GNL2: variants seen among roughly 807,000 people sequenced by gnomAD.
The protein encoded by GNL2 is nucleolar GTP-binding protein 2.
GNL2 carries 51 observed loss-of-function variants against 92.3 expected under a neutral mutation model. The ratio of observed to expected loss-of-function variants is 0.55; its 90% CI spans 0.44 to 0.70. GNL2 has a LOEUF of 0.70. GNL2 is among the 30% of genes least tolerant of loss of function. The pLI is 0.00. For synonymous variants in GNL2, 283 were observed against 300.6 expected (o/e 0.94, Z 0.61); for missense variants, 844 against 895.6 (o/e 0.94, Z 0.74).
At chr1:37,571,359 G>A (rs1254313590) in intron 12 of GNL2, among the ~76,000 whole-genome samples, 2 of 152,132 alleles carry the variant, frequency 1.3e-5, no homozygotes, top group East Asian at 1.9e-4. Flanking sequence ...GAATTGATAT[G>A]CACCCCCATT....
In GNL2 at chr1:37,590,689, G is replaced by T. The variant is rs376688706; in HGVS notation, c.384+17C>A. On this transcript the variant is annotated intron_variant, in intron 4 of 15. Transcript: ENST00000373062. ...TTGCCCAGGAAATTCCATCACCAGGGATATCCTACATCTTACATGAGGCCG... is the reference window on the plus strand; with the variant it reads ...TTGCCCAGGAAATTCCATCACCAGGTATATCCTACATCTTACATGAGGCCG... 3.1e-6 allele frequency: 5 copies of T among 1,605,438 alleles called. No individual in the cohort carries two copies. The highest frequency in any genetic ancestry group is 4.3e-6 in the Non-Finnish European group (5 of 1,172,452).
chr1:37,572,164 C>G (rs1202035893), intron 12 of GNL2, among the ~76,000 whole-genome samples: 3 of 152,098 alleles, frequency 2.0e-5, no homozygotes, highest in Non-Finnish European at 4.4e-5. Flanking sequence ...AACCCCTTAG[C>G]CTGGTTTAGT....
intron 8 of GNL2, among the ~76,000 whole-genome samples, 191 bp from the exon 9 acceptor site, chr1:37,576,747 G>A (rs1306561516): frequency 6.6e-6 from 1 of 152,202 alleles, no homozygotes; most frequent in Non-Finnish European, 1.5e-5. Flanking sequence ...TAAATCAGAG[G>A]TGAGTCATTT....
At chr1:37,593,262 G>A (rs140221349) in intron 2 of GNL2, among the ~76,000 whole-genome samples, 7 of 152,260 alleles carry the variant, frequency 4.6e-5, no homozygotes, top group African/African-American at 1.7e-4. Context: ...TAGGACAGAC[G>A]GAGATGGAGA....
intron 8 of GNL2, 116 bp downstream of exon 8, chr1:37,582,107 T>G (rs973874468): frequency 1.6e-6 from 1 of 634,004 alleles, no homozygotes; most frequent in African/African-American, 1.9e-5. Flanking sequence ...ACTACAGACC[T>G]GCGCAACCAC....
At chr1:37,585,419 G>C (rs998597644) in intron 5 of GNL2, among the ~76,000 whole-genome samples, 1 of 152,128 alleles carries the variant, frequency 6.6e-6, no homozygotes, top group Non-Finnish European at 1.5e-5. Context: ...AAGCATGACT[G>C]AATTAGGCAG....
intron 3 of GNL2, among the ~76,000 whole-genome samples, chr1:37,592,368 A>G (rs1643892582): frequency 6.6e-6 from 1 of 152,214 alleles, no homozygotes; most frequent in Non-Finnish European, 1.5e-5. Context: ...CCTGAAGGAT[A>G]TATGCACAAA....
In GNL2 at chr1:37,583,934, C is replaced by G; in HGVS notation, c.570-1G>C. ...ATAGATCTCTTCTTGAGCTTCATTTCTAAATAAGAAAGCACCCCAAATGAG... is the reference window on the plus strand; with the variant it reads ...ATAGATCTCTTCTTGAGCTTCATTTGTAAATAAGAAAGCACCCCAAATGAG... On this transcript the variant is annotated splice_acceptor_variant, in intron 5 of 15. Transcript: ENST00000373062. LOFTEE classifies it high-confidence loss of function. 6.5e-7 allele frequency: 1 copy of G among 1,550,308 alleles called. No homozygotes were observed. Among genetic ancestry groups the G allele is most frequent in the Non-Finnish European group, 8.9e-7 (1 of 1,121,368 alleles).
At chr1:37,576,665 T>C (rs1037859925) in intron 8 of GNL2, 109 bp from the exon 9 acceptor site, 17 of 1,046,068 alleles carry the variant, frequency 1.6e-5, no homozygotes, top group Non-Finnish European at 1.9e-5. Context: ...AAACTGTTGA[T>C]ACAACTTGAT....
At position 37,595,829 on chromosome 1, in the gene GNL2, G is replaced by T. The variant is rs1447602763; in HGVS notation, c.-7C>A. The T allele has an allele frequency of 6.2e-7, 1 of 1,613,810 alleles. No homozygotes were observed. The highest frequency in any genetic ancestry group is 8.5e-7 in the Non-Finnish European group (1 of 1,179,768). Reference sequence around the variant, plus strand: ...TGTACTTGGGCTTCACCATCTTGGCGACGAGACCGGGACCGGAGTGCGAGG... The same window carrying T: ...TGTACTTGGGCTTCACCATCTTGGCTACGAGACCGGGACCGGAGTGCGAGG... On this transcript the variant is annotated 5_prime_UTR_variant, in exon 1 of 16. Coordinates refer to ENST00000373062, the MANE Select transcript of GNL2 (RefSeq NM_013285.3).
chr1:37,567,734 G>A lies in GNL2; in HGVS notation c.1982C>T (p.Ala661Val), dbSNP rs774895376. ...ATGTTCCTGTTCCTCTTCCCTTTGT[G>A]CCTTCCGCTTCTTTCCCTTTTTGGA... Reference protein sequence around the residue: ...APSKKGKKRKAQREEEQEHSN... With the variant: ...APSKKGKKRKVQREEEQEHSN... Residue 661 changes from alanine to valine, a missense_variant, in exon 15 of 16, where the codon GCA becomes GTA. By Grantham distance (64) the Ala-to-Val change is moderately conservative. Coordinates refer to ENST00000373062, the MANE Select transcript of GNL2 (RefSeq NM_013285.3). 1.2e-6 allele frequency: 2 copies of A among 1,613,506 alleles called. No homozygotes were observed. Among genetic ancestry groups the A allele is most frequent in the African/African-American group, 1.3e-5 (1 of 74,882 alleles).
chr1:37,582,782 G>T lies in GNL2; in HGVS notation c.791C>A (p.Ala264Glu). 1 of 1,611,074 alleles carries T rather than the reference G, an allele frequency of 6.2e-7. No individual in the cohort carries two copies. Among genetic ancestry groups the T allele is most frequent in the Non-Finnish European group, 8.5e-7 (1 of 1,178,672 alleles). ...LNKCDLVPTW[A>E]TKRWVAVLSQ... ...TGGTTTAGTAGTTGTACTTACTGTT[G>T]CCCAGGTTGGAACAAGGTCACATTT... Residue 264 changes from alanine to glutamate, a missense_variant, in exon 7 of 16, where the codon GCA becomes GAA. By Grantham distance (107) the Ala-to-Glu change is moderately radical. Coordinates refer to ENST00000373062, the MANE Select transcript of GNL2 (RefSeq NM_013285.3).
At chr1:37,592,143 C>T (rs1459888362) in intron 3 of GNL2, among the ~76,000 whole-genome samples, 1 of 152,156 alleles carries the variant, frequency 6.6e-6, no homozygotes, top group East Asian at 1.9e-4. Context: ...ATCTAAAGTG[C>T]CCATACATTT....
At position 37,568,370 on chromosome 1, in the gene GNL2, A is replaced by C. The variant is rs1055509441; in HGVS notation, c.1869-13T>G. On this transcript the variant is annotated splice_polypyrimidine_tract_variant and intron_variant, in intron 13 of 15. Transcript: ENST00000373062. ...TCCCTTGGATATTCTGAAACAGAAA[A>C]GCAAAGTAACATTCCTCCTCTCACT... The C allele has an allele frequency of 6.4e-7, 1 of 1,564,772 alleles. No homozygotes were observed. Among genetic ancestry groups the C allele is most frequent in the Non-Finnish European group, 8.8e-7 (1 of 1,135,224 alleles).
chr1:37,575,697 G>C lies in GNL2; in HGVS notation c.1041C>G (p.Val347=). The stretch of plus-strand genomic sequence containing the variant: ...GACGCATCAAAGTAATATACTGCCA[G>C]ACCTGAAGTCAGAAAAAAGTCAGAG... ...NVAPIAGETK[V]WQYITLMRRI... is the part of the protein sequence containing the mutation. The change falls in exon 10 of 16, where the codon GTC becomes GTG. Residue 347 remains valine, a splice_region_variant and synonymous_variant. Coordinates refer to ENST00000373062, the MANE Select transcript of GNL2 (RefSeq NM_013285.3). The surrounding 1 kb of genome is among the most constrained non-coding windows in gnomAD (Gnocchi z 4.1). 6.3e-7 allele frequency: 1 copy of C among 1,587,860 alleles called. No individual in the cohort carries two copies. The highest frequency in any genetic ancestry group is 1.4e-5 in the African/African-American group (1 of 73,438).
intron 9 of GNL2, 136 bp downstream of exon 9, chr1:37,576,292 A>G: frequency 1.3e-6 from 1 of 769,450 alleles, no homozygotes; most frequent in South Asian, 1.8e-5. Flanking sequence ...ATACGTTCCA[A>G]ACTATTATAT....
Position 37,575,684 on chromosome 1 carries a change from TAATATA to T in GNL2, c.1048_1053del (p.Tyr350_Ile351del). The T allele has an allele frequency of 6.3e-7, 1 of 1,598,752 alleles. No individual in the cohort carries two copies. Among genetic ancestry groups the T allele is most frequent in the Non-Finnish European group, 8.5e-7 (1 of 1,174,226 alleles). On this transcript the variant is annotated inframe_deletion, in exon 10 of 16. Transcript: ENST00000373062. The surrounding 1 kb of genome is among the most constrained non-coding windows in gnomAD (Gnocchi z 4.1). ...ATCAGGAATATCCGACGCATCAAAGTAATATACTGCCAGACCTGAAGTCAGAAAAAA... is the reference window on the plus strand; with the variant it reads ...ATCAGGAATATCCGACGCATCAAAGTCTGCCAGACCTGAAGTCAGAAAAAA...
At chr1:37,595,649 T>C in intron 1 of GNL2, 110 bp downstream of exon 1, 1 of 886,344 alleles carries the variant, frequency 1.1e-6, no homozygotes, top group Middle Eastern at 2.2e-4. Flanking sequence ...CCGCTCGTAG[T>C]CATTCTAAGC....
At chr1:37,588,869 C>T (rs1182366439) in intron 4 of GNL2, among the ~76,000 whole-genome samples, 3 of 152,134 alleles carry the variant, frequency 2.0e-5, no homozygotes, top group Non-Finnish European at 4.4e-5. Context: ...TTTTCAAGGC[C>T]AAAGCAGAAA....
Sources: allele counts gnomAD v4.1 joint callset (sites outside exome capture counted in the v4.1 genomes callset), GRCh38; gene constraint gnomAD v4.1.1; non-coding constraint Gnocchi (gnomAD v3.1); transcripts MANE v1.5; gene names NCBI Gene and HGNC (gene_info 2026-07-23, HGNC 2026-07-21).